NFKB1: variants seen among roughly 807,000 people sequenced by gnomAD.
NFKB1 encodes nuclear factor NF-kappa-B p105 subunit.
Under a neutral mutation model 105.1 loss-of-function variants are expected in NFKB1, and 9 were observed. The ratio of observed to expected loss-of-function variants is 0.09; its 90% confidence interval spans 0.05 to 0.15. The LOEUF is 0.15. Among genes scored for constraint, NFKB1 ranks in the 10% least tolerant of loss-of-function variants. The probability of loss-of-function intolerance (pLI) is 1.00; values close to 1 mark genes in which losing one functional copy is unlikely to be tolerated. For missense variants in NFKB1, 830 were observed against 1,203.7 expected (o/e 0.69, Z 4.59); for synonymous variants, 440 against 442.2 (o/e 1.00, Z 0.06).
intron 5 of NFKB1, among the ~76,000 whole-genome samples, chr4:102,539,714 G>T (rs1422719751): frequency 1.3e-5 from 2 of 152,166 alleles, no homozygotes; most frequent in Non-Finnish European, 2.9e-5. Context: ...AAAGTGCAAT[G>T]CCTGTGAACC....
intron 9 of NFKB1, 45 bp from the exon 10 acceptor site, chr4:102,582,821 A>G (rs527961596): frequency 7.1e-6 from 9 of 1,272,580 alleles, no homozygotes; most frequent in South Asian, 4.9e-5. Flanking sequence ...TATAAATACT[A>G]TTTACACTAT....
chr4:102,524,533 G>A (rs1740776737), intron 1 of NFKB1, among the ~76,000 whole-genome samples: 1 of 152,100 alleles, frequency 6.6e-6, no homozygotes, highest in South Asian at 2.1e-4. Context: ...CTGGGGGCTG[G>A]GGGTGATTTT....
chr4:102,583,090 C>A (rs1340452698), intron 10 of NFKB1, 133 bp downstream of exon 10: 2 of 526,534 alleles, frequency 3.8e-6, no homozygotes, highest in Non-Finnish European at 6.6e-6. Context: ...AGGGATCCTC[C>A]TGTCTCAACC....
chr4:102,559,044 G>C (rs577361378), intron 5 of NFKB1, among the ~76,000 whole-genome samples: 9 of 152,124 alleles, frequency 5.9e-5, no homozygotes, highest in South Asian at 2.1e-4. Context: ...CAGGTATACA[G>C]ATGTCCCTGG....
At position 102,606,657 on chromosome 4, in the gene NFKB1, C is replaced by G; in HGVS notation, c.1914C>G (p.His638Gln). Reference protein sequence around the residue: ...HDKVLSILLKHKKAALLLDHP... With the variant: ...HDKVLSILLKQKKAALLLDHP... The stretch of plus-strand genomic sequence containing the variant: ...AAGTTCTCAGTATCTTACTCAAGCA[C>G]AAAAAGGCAGCACTACTTCTTGACC... Residue 638 changes from histidine (H) to glutamine (Q), a missense_variant, in exon 17 of 24, where the codon CAC becomes CAG. By Grantham distance (24) the His-to-Gln change is conservative. Coordinates refer to ENST00000226574, the MANE Select transcript of NFKB1 (RefSeq NM_003998.4). 2 of 1,614,178 alleles carry G rather than the reference C, an allele frequency of 1.2e-6. No individual in the cohort carries two copies. Among genetic ancestry groups the G allele is most frequent in the Non-Finnish European group, 1.7e-6 (2 of 1,180,026 alleles).
chr4:102,530,068 A>G (rs1741186968), intron 3 of NFKB1, among the ~76,000 whole-genome samples, 154 bp downstream of exon 3: 1 of 152,172 alleles, frequency 6.6e-6, no homozygotes, highest in Admixed American at 6.5e-5. Context: ...ACTTTCTTGA[A>G]ATATATTTGC....
chr4:102,564,330 G>A (rs1489028492), intron 5 of NFKB1, among the ~76,000 whole-genome samples: 1 of 152,224 alleles, frequency 6.6e-6, no homozygotes, highest in Non-Finnish European at 1.5e-5. Flanking sequence ...GACATCCTAT[G>A]AAGTATGGTC....
intron 17 of NFKB1, 23 bp from the exon 18 acceptor site, chr4:102,607,127 C>T (rs755254631): frequency 6.2e-7 from 1 of 1,613,818 alleles, no homozygotes; most frequent in Non-Finnish European, 8.5e-7. Context: ...CATCCTGTGA[C>T]TGTCCCTTTG....
intron 2 of NFKB1, among the ~76,000 whole-genome samples, chr4:102,529,509 T>C (rs1741137867): frequency 6.6e-6 from 1 of 152,214 alleles, no homozygotes; most frequent in African/African-American, 2.4e-5. Flanking sequence ...AAGTATCTGT[T>C]CTGTGATAAG....
intron 19 of NFKB1, among the ~76,000 whole-genome samples, chr4:102,609,165 A>AAAAAAAAAAAAAAAAAAAG (rs1173137889): frequency 1.3e-5 from 2 of 151,108 alleles, no homozygotes; most frequent in Admixed American, 6.6e-5. Context: ...TCTCAAAAAA[A>AAAAAAAAAAAAAAAAAAAG]AAAAAGAAAA....
chr4:102,525,557 A>G lies in NFKB1; in HGVS notation c.39A>G (p.Gln13=), dbSNP rs746175553. The change falls in exon 2 of 24, where the codon CAA becomes CAG. Residue 13 remains glutamine, a splice_region_variant and synonymous_variant. Transcript: ENST00000226574. The part of the protein sequence containing the change: ...EDDPYLGRPE[Q]MFHLDPSLTH... ...ATCCATATTTGGGAAGGCCTGAACA[A>G]GTAAGTGTCATAATCTCACTGATAA... 3.1e-6 allele frequency: 5 copies of G among 1,612,270 alleles called. No homozygotes were observed. In the East Asian group the frequency reaches 8.9e-5, roughly 29 times the overall value.
At chr4:102,557,711 G>T (rs1384642721) in intron 5 of NFKB1, among the ~76,000 whole-genome samples, 2 of 152,208 alleles carry the variant, frequency 1.3e-5, no homozygotes, top group African/African-American at 4.8e-5. Flanking sequence ...GTACAAGAGA[G>T]AATGCCTAAT....
Position 102,594,907 on chromosome 4 carries a change from A to G in NFKB1, c.1226A>G (p.His409Arg). ...GSTGPGYSFPHYGFPTYGGIT... is the reference protein window; with the variant it reads ...GSTGPGYSFPRYGFPTYGGIT... ...GCCGTTTCAGGGTATAGCTTCCCAC[A>G]CTATGGATTTCCTACTTATGGTGGG... Residue 409 changes from histidine to arginine, a missense_variant, in exon 13 of 24, where the codon CAC becomes CGC. Transcript: ENST00000226574. The G allele has an allele frequency of 6.2e-7, 1 of 1,610,786 alleles. No homozygotes were observed. The highest frequency in any genetic ancestry group is 8.5e-7 in the Non-Finnish European group (1 of 1,177,610).
At chr4:102,545,688 A>G (rs899289241) in intron 5 of NFKB1, among the ~76,000 whole-genome samples, 4 of 152,160 alleles carry the variant, frequency 2.6e-5, no homozygotes, top group African/African-American at 9.7e-5. Context: ...GGGCTTCAGA[A>G]TCGTCCAAAA....
chr4:102,515,103 TA>T lies in NFKB1; in HGVS notation c.-7-10408del, dbSNP rs1298072554. ...CAGTTCCATGTAATATTATTATTAT[TA>T]TTATTTTTTTTTTTTTTTTTTTTTG... On this transcript the variant is annotated intron_variant, in intron 1 of 23. Coordinates refer to ENST00000226574, the MANE Select transcript of NFKB1 (RefSeq NM_003998.4). Among the ~76,000 whole-genome samples, 234 of 124,422 alleles carry T rather than the reference TA, an allele frequency of 1.9e-3. 1 individual carries two copies. The highest frequency in any genetic ancestry group is 7.2e-3 in the African/African-American group (232 of 32,312). The allele number at this position is 124,422 out of a possible 152,430, so 81.6% of individuals were successfully genotyped here.
At chr4:102,563,788 T>G (rs894846123) in intron 5 of NFKB1, among the ~76,000 whole-genome samples, 1 of 151,636 alleles carries the variant, frequency 6.6e-6, no homozygotes. Flanking sequence ...TTGTCACCTT[T>G]GTCTCCTTGA....
intron 13 of NFKB1, among the ~76,000 whole-genome samples, chr4:102,595,622 A>G (rs888802944): frequency 6.6e-6 from 1 of 152,240 alleles, no homozygotes; most frequent in African/African-American, 2.4e-5. Flanking sequence ...CACAGAAGTT[A>G]GTGGCAGAAC....
At chr4:102,602,972 C>T (rs1035521486) in intron 16 of NFKB1, among the ~76,000 whole-genome samples, 4 of 152,180 alleles carry the variant, frequency 2.6e-5, no homozygotes, top group African/African-American at 9.7e-5. Flanking sequence ...TGTAGCTTGT[C>T]AGTCCTCTTT....
chr4:102,610,697 CA>C lies in NFKB1; in HGVS notation c.2351del (p.Gln784ArgfsTer6). On this transcript the variant is annotated frameshift_variant and splice_region_variant, in exon 20 of 24. Transcript: ENST00000226574. LOFTEE classifies it high-confidence loss of function. ...GCCTCTAGATATGGCCACCAGCTGG[CA>C]GGTGAGTGCCGCTCCATCTGTCTGA... Reference protein sequence around the residue: ...TTPLDMATSWQVFDILNGKPY... With the variant: ...TTPLDMATSWXVFDILNGKPY... 6.2e-7 allele frequency: 1 copy of C among 1,613,722 alleles called. No individual in the cohort carries two copies. Among genetic ancestry groups the C allele is most frequent in the Non-Finnish European group, 8.5e-7 (1 of 1,179,734 alleles).
Sources: allele counts gnomAD v4.1 joint callset (sites outside exome capture counted in the v4.1 genomes callset), GRCh38; gene constraint gnomAD v4.1.1; transcripts MANE v1.5; gene names NCBI Gene and HGNC (gene_info 2026-07-23, HGNC 2026-07-21).